Variants in IL1RAPL2 observed in about 807,000 individuals in gnomAD.
IL1RAPL2 encodes the protein X-linked interleukin-1 receptor accessory protein-like 2.
A neutral mutation model predicts 44.1 loss-of-function variants in IL1RAPL2; 3 were observed. That is an observed-to-expected ratio of 0.07 (90% CI 0.03 to 0.18). The LOEUF is 0.18. Among genes scored for constraint, IL1RAPL2 ranks in the 10% least tolerant of loss-of-function variants. The pLI is 1.00. For synonymous variants in IL1RAPL2, 181 were observed against 178.8 expected, an observed-to-expected ratio of 1.01 and a Z score of -0.10; for missense variants, 391 against 496.4, an observed-to-expected ratio of 0.79 and a Z score of 2.02.
At chrX:105,714,798 GA>G (rs1252687292) in intron 6 of IL1RAPL2, among the ~76,000 whole-genome samples, 1 of 111,706 alleles carries the variant, frequency 9.0e-6, no homozygotes, top group African/African-American at 3.3e-5. Context: ...TTTTGGTGGG[GA>G]CATTCAAACC....
At chrX:104,956,441 G>T (rs2029898985) in intron 2 of IL1RAPL2, among the ~76,000 whole-genome samples, 1 of 83,126 alleles carries the variant, frequency 1.2e-5, no homozygotes, top group Non-Finnish European at 2.3e-5. Context: ...GGCCAACATG[G>T]CAAAACCCTG....
intron 9 of IL1RAPL2, among the ~76,000 whole-genome samples, chrX:105,750,025 TTTTG>T (rs1210027529): frequency 4.5e-5 from 5 of 110,923 alleles, no homozygotes; most frequent in Non-Finnish European, 7.5e-5. Context: ...AGGTTGAGGC[TTTTG>T]TTTATTTTTT....
At position 104,656,352 on chromosome X, in the gene IL1RAPL2, C is replaced by T. The variant is rs182518388; in HGVS notation, c.-19-2543C>T. Among the ~76,000 whole-genome samples the T allele has an allele frequency of 2.1e-4, 24 of 111,974 alleles. No homozygotes were observed. In the Admixed American group the frequency reaches 2.2e-3, roughly 10 times the overall value. ...CCTCTACACACTGCTTTAAATGTGTCCCAGAGATTCTGGTACATTGTATCT... is the reference window on the plus strand; with the variant it reads ...CCTCTACACACTGCTTTAAATGTGTTCCAGAGATTCTGGTACATTGTATCT... On this transcript the variant is annotated intron_variant, in intron 1 of 10. Coordinates refer to ENST00000372582, the MANE Select transcript of IL1RAPL2 (RefSeq NM_017416.2).
chrX:105,323,550 G>A (rs1009483342), intron 5 of IL1RAPL2, among the ~76,000 whole-genome samples: 25 of 111,486 alleles, frequency 2.2e-4, no homozygotes, highest in African/African-American at 7.5e-4. Flanking sequence ...CAGATCTTGT[G>A]TTATATTCTA....
At chrX:104,756,360 T>C (rs970526989) in intron 2 of IL1RAPL2, among the ~76,000 whole-genome samples, 2 of 111,433 alleles carry the variant, frequency 1.8e-5, no homozygotes, top group African/African-American at 6.5e-5. Flanking sequence ...AATCAAGCCC[T>C]GAATATCATG....
At position 105,038,766 on chromosome X, in the gene IL1RAPL2, T is replaced by C. The variant is rs2031671063; in HGVS notation, c.83-156709T>C. ...TCTTTCTAGGTATATGATTAGTGAC[T>C]GAACCTCCAGTGCCCTGTCTCCTGG... On this transcript the variant is annotated intron_variant, in intron 2 of 10. Coordinates refer to ENST00000372582, the MANE Select transcript of IL1RAPL2 (RefSeq NM_017416.2). Among the ~76,000 whole-genome samples, 3 of 110,917 alleles carry C rather than the reference T, an allele frequency of 2.7e-5. No homozygotes were observed. The Admixed American group carries it at 2.9e-4, about 11-fold the overall frequency.
chrX:105,142,313 T>C (rs2033132316), intron 2 of IL1RAPL2, among the ~76,000 whole-genome samples: 1 of 111,898 alleles, frequency 8.9e-6, no homozygotes, highest in Non-Finnish European at 1.9e-5. Context: ...TTGATCTTAC[T>C]GCTCATTTTT....
At chrX:104,603,646 T>C (rs1404593854) in intron 1 of IL1RAPL2, among the ~76,000 whole-genome samples, 1 of 111,360 alleles carries the variant, frequency 9.0e-6, no homozygotes, top group African/African-American at 3.3e-5. Flanking sequence ...GCAAGAGAAC[T>C]TCGTGAAACA....
chrX:105,408,408 C>T (rs1316925875), intron 5 of IL1RAPL2, among the ~76,000 whole-genome samples: 6 of 110,493 alleles, frequency 5.4e-5, no homozygotes. Flanking sequence ...TCTACAGACT[C>T]ATCAACATGA....
At chrX:105,074,035 C>A (rs1275526857) in intron 2 of IL1RAPL2, among the ~76,000 whole-genome samples, 1 of 110,720 alleles carries the variant, frequency 9.0e-6, no homozygotes, top group Non-Finnish European at 1.9e-5. Context: ...TGCAGAAGCT[C>A]TTTAGTTTAA....
chrX:105,241,223 G>A (rs1401230797), intron 4 of IL1RAPL2, among the ~76,000 whole-genome samples: 2 of 111,263 alleles, frequency 1.8e-5, no homozygotes, highest in Non-Finnish European at 3.8e-5. Context: ...TTGACTTGGG[G>A]AAGCCTGTCA....
chrX:105,641,628 A>G (rs762664928), intron 6 of IL1RAPL2, among the ~76,000 whole-genome samples: 2 of 112,056 alleles, frequency 1.8e-5, no homozygotes, highest in African/African-American at 6.5e-5. Context: ...AAACCTCTAG[A>G]ATCTAAGGAC....
At chrX:105,005,186 C>G (rs1356800794) in intron 2 of IL1RAPL2, among the ~76,000 whole-genome samples, 1 of 111,302 alleles carries the variant, frequency 9.0e-6, no homozygotes, top group Non-Finnish European at 1.9e-5. Flanking sequence ...AATATTGACT[C>G]TCCAACTAGA....
chrX:105,471,267 C>G, intron 5 of IL1RAPL2, among the ~76,000 whole-genome samples: 1 of 111,752 alleles, frequency 8.9e-6, no homozygotes, highest in Non-Finnish European at 1.9e-5. Context: ...GGAATCATGA[C>G]CAAGGTCACA....
chrX:104,676,434 C>G (rs1377968624), intron 2 of IL1RAPL2, among the ~76,000 whole-genome samples: 3 of 111,858 alleles, frequency 2.7e-5, no homozygotes, highest in East Asian at 2.8e-4. Flanking sequence ...GGCCCCCACT[C>G]TCTTCTGGCT....
At chrX:105,222,243 A>G (rs1262358610) in intron 3 of IL1RAPL2, among the ~76,000 whole-genome samples, 1 of 112,226 alleles carries the variant, frequency 8.9e-6, no homozygotes, top group Non-Finnish European at 1.9e-5. Context: ...CAGAGCATTC[A>G]TTTTTTATTA....
At chrX:104,623,747 GA>G (rs1929445189) in intron 1 of IL1RAPL2, among the ~76,000 whole-genome samples, 1 of 111,646 alleles carries the variant, frequency 9.0e-6, no homozygotes, top group African/African-American at 3.3e-5. Context: ...CCACACTTTT[GA>G]AACTGGGTGA....
At chrX:105,425,402 G>C (rs1381424017) in intron 5 of IL1RAPL2, among the ~76,000 whole-genome samples, 1 of 110,691 alleles carries the variant, frequency 9.0e-6, no homozygotes, top group East Asian at 2.9e-4. Flanking sequence ...ACAGGAAAAA[G>C]GAAAGGAATT....
At chrX:105,599,628 C>T (rs907634467) in intron 6 of IL1RAPL2, among the ~76,000 whole-genome samples, 7 of 110,996 alleles carry the variant, frequency 6.3e-5, no homozygotes, top group Admixed American at 5.8e-4. Context: ...AAAAAAAAAT[C>T]AAATTTAATG....
Sources: gnomAD v4.1 joint callset for allele counts (sites outside exome capture counted in the v4.1 genomes callset) on GRCh38, gnomAD v4.1.1 for gene constraint, MANE v1.5 for transcripts, NCBI Gene and HGNC (gene_info 2026-07-23, HGNC 2026-07-21) for gene names.